DCDC1: variants seen among roughly 807,000 people sequenced by gnomAD.
DCDC1 encodes the protein doublecortin domain-containing protein 1.
DCDC1 carries 200 observed loss-of-function variants against 178.3 expected under a neutral mutation model. The ratio of observed to expected loss-of-function variants is 1.12; its 90% CI spans 1.00 to 1.26. The LOEUF (loss-of-function observed/expected upper bound fraction) is 1.26, where lower values mean the gene tolerates loss of function less well. Ranked by LOEUF, DCDC1 falls within the 50% of genes most tolerant of loss-of-function variation. DCDC1 has a pLI of 0.00. For missense variants in DCDC1, 1,983 were observed against 1,749.2 expected (o/e 1.13, Z -2.38); for synonymous variants, 690 against 604.8 (o/e 1.14, Z -2.07).
At chr11:30,903,713 A>G in intron 31 of DCDC1, 30 bp from the exon 32 acceptor site, 1 of 1,532,916 alleles carries the variant, frequency 6.5e-7, no homozygotes. Context: ...AGGATCTGAC[A>G]GGCAAAGGTG....
chr11:31,232,894 G>C (rs1229818159), intron 9 of DCDC1, among the ~76,000 whole-genome samples: 4 of 152,030 alleles, frequency 2.6e-5, no homozygotes, highest in Non-Finnish European at 5.9e-5. Flanking sequence ...TTCGAGACCA[G>C]CCTGGCCAAT....
chr11:30,868,426 T>C (rs888002457), intron 38 of DCDC1, among the ~76,000 whole-genome samples: 4 of 151,902 alleles, frequency 2.6e-5, no homozygotes, highest in Non-Finnish European at 5.9e-5. Flanking sequence ...AATTTTTGTA[T>C]TTTTAGTAGA....
Position 30,894,326 on chromosome 11 carries a change from C to T in DCDC1, c.4824G>A (p.Gln1608=), listed in dbSNP as rs1565038729. 4 of 1,613,808 alleles carry T rather than the reference C, an allele frequency of 2.5e-6. No individual in the cohort carries two copies. Among genetic ancestry groups the T allele is most frequent in the Non-Finnish European group, 3.4e-6 (4 of 1,179,838 alleles). The change falls in exon 35 of 39, where the codon CAG becomes CAA. Residue 1608 remains glutamine, a synonymous_variant. Coordinates refer to ENST00000684477, the MANE Select transcript of DCDC1 (RefSeq NM_001387274.1). ...TCCAGCCTCCTTCAACCACCACGGG[C>T]TGCACAGGGCTCTTGGTAGGAACCA... ...ATMVPTKSPV[Q]PVVVEGGWTE...
intron 22 of DCDC1, among the ~76,000 whole-genome samples, chr11:30,929,227 A>G (rs1413889651): frequency 2.0e-5 from 3 of 152,110 alleles, no homozygotes; most frequent in South Asian, 2.1e-4. Flanking sequence ...TCAGAACACA[A>G]TGATCTATGA....
intron 36 of DCDC1, 122 bp downstream of exon 36, chr11:30,892,695 TA>T (rs1399126738): frequency 6.4e-6 from 7 of 1,092,090 alleles, no homozygotes; most frequent in Non-Finnish European, 9.3e-6. Flanking sequence ...AAAGTACTGT[TA>T]CTATTTTGTG....
chr11:30,984,822 G>T (rs1950561743), intron 20 of DCDC1, among the ~76,000 whole-genome samples: 1 of 152,162 alleles, frequency 6.6e-6, no homozygotes, highest in South Asian at 2.1e-4. Context: ...AGGGGGAACC[G>T]CTTCCACATG....
chr11:30,872,828 G>A (rs1040118689), intron 38 of DCDC1, among the ~76,000 whole-genome samples: 1 of 151,864 alleles, frequency 6.6e-6, no homozygotes, highest in African/African-American at 2.4e-5. Context: ...TTAACACAAT[G>A]TGTAACTATT....
chr11:31,252,749 G>T (rs1457074521), intron 8 of DCDC1, among the ~76,000 whole-genome samples: 1 of 152,080 alleles, frequency 6.6e-6, no homozygotes, highest in Non-Finnish European at 1.5e-5. Context: ...GGCAATCACA[G>T]ACTAGGAATT....
intron 1 of DCDC1, among the ~76,000 whole-genome samples, chr11:31,350,721 A>G (rs577051268): frequency 6.6e-6 from 1 of 152,282 alleles, no homozygotes; most frequent in East Asian, 1.9e-4. Flanking sequence ...AACAGGTAAT[A>G]TGTGACATGA....
At chr11:31,118,824 C>T (rs1960363329) in intron 11 of DCDC1, among the ~76,000 whole-genome samples, 1 of 152,184 alleles carries the variant, frequency 6.6e-6, no homozygotes, top group African/African-American at 2.4e-5. Context: ...GAAAGCCTGT[C>T]TCATTATAAC....
At chr11:31,116,624 T>C (rs771932775) in intron 11 of DCDC1, among the ~76,000 whole-genome samples, 36 of 152,028 alleles carry the variant, frequency 2.4e-4, no homozygotes, top group Non-Finnish European at 3.7e-4. Flanking sequence ...ATATTCAAAG[T>C]GATAATGACA....
chr11:30,903,895 T>A, intron 31 of DCDC1: 2 of 371,910 alleles, frequency 5.4e-6, no homozygotes, highest in Admixed American at 4.5e-5. Context: ...CCAATCCAGC[T>A]GTAAATTTCC....
At chr11:31,298,265 C>A (rs1342538426) in intron 6 of DCDC1, among the ~76,000 whole-genome samples, 1 of 152,148 alleles carries the variant, frequency 6.6e-6, no homozygotes, top group Non-Finnish European at 1.5e-5. Context: ...AACCAACTGC[C>A]AAAGAAAGGG....
intron 8 of DCDC1, among the ~76,000 whole-genome samples, chr11:31,252,957 A>G (rs1409858029): frequency 6.6e-6 from 1 of 152,086 alleles, no homozygotes; most frequent in Non-Finnish European, 1.5e-5. Flanking sequence ...CTGAGATCAA[A>G]AGTAAATCAA....
At chr11:31,079,131 A>G (rs1214062859) in intron 17 of DCDC1, among the ~76,000 whole-genome samples, 3 of 152,192 alleles carry the variant, frequency 2.0e-5, no homozygotes, top group Admixed American at 2.0e-4. Context: ...AGACCAAGTC[A>G]TGATTCAAAT....
At chr11:31,192,524 C>T (rs569830906) in intron 9 of DCDC1, among the ~76,000 whole-genome samples, 73 of 152,092 alleles carry the variant, frequency 4.8e-4, no homozygotes, top group Non-Finnish European at 8.2e-4. Context: ...TCCCTCTCAC[C>T]TTCCCTAAGG....
chr11:31,290,223 C>T (rs1319235711), intron 7 of DCDC1, among the ~76,000 whole-genome samples: 3 of 151,822 alleles, frequency 2.0e-5, no homozygotes, highest in Non-Finnish European at 4.4e-5. Context: ...TGGGGCTTTG[C>T]TAATTCTTTA....
intron 20 of DCDC1, among the ~76,000 whole-genome samples, chr11:31,057,811 T>C (rs1955681009): frequency 6.6e-6 from 1 of 152,130 alleles, no homozygotes; most frequent in Non-Finnish European, 1.5e-5. Flanking sequence ...GAATTATAAG[T>C]CTGTGAGTGT....
chr11:30,891,921 C>T lies in DCDC1; in HGVS notation c.5082+897G>A, dbSNP rs150394305. 5.9e-5 allele frequency among the ~76,000 whole-genome samples: 9 copies of T among 152,216 alleles called. No homozygotes were observed. In the East Asian group the frequency reaches 1.7e-3, roughly 29 times the overall value. On this transcript the variant is annotated intron_variant, in intron 36 of 38. Transcript: ENST00000684477. ...CAGGGGCAGAACCATCTCAGGTGGC[C>T]CTGCTACTCTATGTGCCCTCACCAG...
Sources: allele counts gnomAD v4.1 joint callset (sites outside exome capture counted in the v4.1 genomes callset), GRCh38; gene constraint gnomAD v4.1.1; transcripts MANE v1.5; gene names NCBI Gene and HGNC (gene_info 2026-07-23, HGNC 2026-07-21).